The following PDIA6 variants were observed in gnomAD, a reference collection of about 807,000 sequenced individuals.
PDIA6 encodes the protein protein disulfide isomerase family A member 6.
A neutral mutation model predicts 58.4 loss-of-function variants in PDIA6; 29 were observed. The observed-to-expected ratio is 0.50, with a 90% CI of 0.37 to 0.68. The LOEUF (loss-of-function observed/expected upper bound fraction) is 0.68. PDIA6 is among the 30% of genes least tolerant of loss of function. The probability of loss-of-function intolerance (pLI) is 0.00; values close to 1 mark genes in which losing one functional copy is unlikely to be tolerated. For missense variants in PDIA6, 480 were observed against 551.0 expected (o/e 0.87, Z 1.29); for synonymous variants, 192 against 202.6 (o/e 0.95, Z 0.44).
At chr2:10,812,478 G>C (rs1667042842) in intron 1 of PDIA6, among the ~76,000 whole-genome samples, 200 bp downstream of exon 1, 1 of 151,450 alleles carries the variant, frequency 6.6e-6, no homozygotes, top group African/African-American at 2.4e-5. Flanking sequence ...CCCTCCCCAC[G>C]GGCGCCCGAG....
rs1667063065 is a variant in PDIA6 at position 10,812,747 on chromosome 2, T to C, written c.-51A>G. Reference sequence around the variant, plus strand: ...CCCACCGCCGCCGCCGCTTCAGCCCTGCAGCGTGCCGCACGCCGCGCCCCC... The same window carrying C: ...CCCACCGCCGCCGCCGCTTCAGCCCCGCAGCGTGCCGCACGCCGCGCCCCC... On this transcript the variant is annotated 5_prime_UTR_variant, in exon 1 of 13. Transcript: ENST00000272227. 2 of 1,432,372 alleles carry C rather than the reference T, an allele frequency of 1.4e-6. No homozygotes were observed. The highest frequency in any genetic ancestry group is 2.0e-4 in the Middle Eastern group (1 of 5,016). 88.7% of individuals were successfully genotyped at this position (1,432,372 alleles called of 1,614,324 possible). A position where few individuals can be genotyped will look rare whatever the true frequency, so the allele number is the denominator to read the frequency against.
chr2:10,833,693 G>A (rs1290081062), upstream of PDIA6, among the ~76,000 whole-genome samples: 2 of 152,202 alleles, frequency 1.3e-5, no homozygotes, highest in South Asian at 2.1e-4. Context: ...TGGAACTCCC[G>A]GAGGCAGGGC....
At chr2:10,819,084 G>A (rs890726565) in intron 2 of PDIA6, among the ~76,000 whole-genome samples, 2 of 152,010 alleles carry the variant, frequency 1.3e-5, no homozygotes, top group African/African-American at 2.4e-5. Flanking sequence ...TTAGCCTAAC[G>A]TCTTCAAGGT....
At position 10,793,186 on chromosome 2, in the gene PDIA6, T is replaced by C; in HGVS notation, c.363A>G (p.Glu121=). ...CACTCAGCGCAGCATCTACAATGGC[T>C]TCACCAGTTCTGCCACCTACAGGAG... ...PEDYQGGRTG[E]AIVDAALSAL... Residue 121 remains glutamate (E), a synonymous_variant, in exon 5 of 13, where the codon GAA becomes GAG. Coordinates refer to ENST00000272227, the MANE Select transcript of PDIA6 (RefSeq NM_005742.4). 1 of 1,613,526 alleles carries C rather than the reference T, an allele frequency of 6.2e-7. No individual in the cohort carries two copies. Among genetic ancestry groups the C allele is most frequent in the Non-Finnish European group, 8.5e-7 (1 of 1,179,708 alleles).
At chr2:10,787,941 C>G (rs1665851217) in intron 10 of PDIA6, among the ~76,000 whole-genome samples, 1 of 152,112 alleles carries the variant, frequency 6.6e-6, no homozygotes, top group East Asian at 1.9e-4. Flanking sequence ...TGGCGTGCGC[C>G]TGTAGTCCCA....
upstream of PDIA6, among the ~76,000 whole-genome samples, chr2:10,832,926 C>G (rs935924500): frequency 2.6e-5 from 4 of 151,184 alleles, no homozygotes; most frequent in Non-Finnish European, 5.9e-5. Flanking sequence ...CACCCCCCGC[C>G]CCCCCAGCCA....
intron 11 of PDIA6, 57 bp downstream of exon 11, chr2:10,787,224 C>CAAATA: frequency 6.6e-7 from 1 of 1,511,078 alleles, no homozygotes; most frequent in Non-Finnish European, 9.2e-7. Flanking sequence ...AAATATAAAC[C>CAAATA]TACAACAGAA....
intron 10 of PDIA6, among the ~76,000 whole-genome samples, chr2:10,788,004 T>C (rs1464319006): frequency 6.9e-6 from 1 of 144,148 alleles, no homozygotes; most frequent in African/African-American, 2.5e-5. Flanking sequence ...AGGCGGAGGT[T>C]GCAGTAAGCC....
intron 11 of PDIA6, among the ~76,000 whole-genome samples, chr2:10,785,520 C>T (rs894657628): frequency 6.6e-6 from 1 of 152,048 alleles, no homozygotes; most frequent in Admixed American, 6.5e-5. Flanking sequence ...GTTGGGAAAC[C>T]AGAGCCAGAA....
chr2:10,810,443 G>A (rs937114202), intron 1 of PDIA6: 3 of 1,372,952 alleles, frequency 2.2e-6, no homozygotes, highest in Admixed American at 3.2e-5. Context: ...GAACAGACCA[G>A]GGTTTTTCAC....
chr2:10,821,424 A>T (rs935615745), intron 1 of PDIA6: 4 of 152,806 alleles, frequency 2.6e-5, no homozygotes, highest in African/African-American at 9.7e-5. Flanking sequence ...GAGGGGTCAG[A>T]GGAGAGCAGT....
chr2:10,803,909 G>GTGTTTTTTTTTT lies in PDIA6; in HGVS notation c.20-1281_20-1270dup, dbSNP rs1489559342. On this transcript the variant is annotated intron_variant, in intron 1 of 12. Coordinates refer to ENST00000272227, the MANE Select transcript of PDIA6 (RefSeq NM_005742.4). ...TGTGCGTGTTTGTGTCCTAGTTTTT[G>GTGTTTTTTTTTT]TGTTTTTTTTTTTTTTTGAGACAGA... Among the ~76,000 whole-genome samples, 21 of 80,256 alleles carry GTGTTTTTTTTTT rather than the reference G, an allele frequency of 2.6e-4. 1 individual carries two copies. Among genetic ancestry groups the GTGTTTTTTTTTT allele is most frequent in the Admixed American group, 1.1e-3 (8 of 7,110 alleles). 52.7% of individuals were successfully genotyped at this position (80,256 alleles called of 152,430 possible).
Position 10,789,105 on chromosome 2 carries a change from C to G in PDIA6, c.841-124G>C, listed in dbSNP as rs1393717719. ...AAAACATTTCTCCCACGACTACTTC[C>G]TCGTATGGAAACACCTGGAGGCATG... On this transcript the variant is annotated intron_variant, in intron 8 of 12. Coordinates refer to ENST00000272227, the MANE Select transcript of PDIA6 (RefSeq NM_005742.4). 7 of 714,652 alleles carry G rather than the reference C, an allele frequency of 9.8e-6. No homozygotes were observed. In the East Asian group the frequency reaches 1.9e-4, roughly 19 times the overall value. The allele number at this position is 714,652 out of a possible 1,614,324, so 44.3% of individuals were successfully genotyped here.
chr2:10,811,240 C>T (rs1340229038), intron 1 of PDIA6, among the ~76,000 whole-genome samples: 27 of 152,178 alleles, frequency 1.8e-4, no homozygotes. Context: ...CTCTTTAAAA[C>T]ATGTACTAGC....
chr2:10,811,254 G>C (rs889057638), intron 1 of PDIA6, among the ~76,000 whole-genome samples: 1 of 152,178 alleles, frequency 6.6e-6, no homozygotes, highest in Non-Finnish European at 1.5e-5. Flanking sequence ...TACTAGCTGG[G>C]CCAGGTGACT....
intron 1 of PDIA6, among the ~76,000 whole-genome samples, chr2:10,812,239 G>A (rs1572691551): frequency 6.6e-6 from 1 of 152,042 alleles, no homozygotes; most frequent in African/African-American, 2.4e-5. Context: ...AGTAGGAGCT[G>A]CATAAAGCAG....
At chr2:10,824,737 T>C (rs1667501584) in intron 1 of PDIA6, among the ~76,000 whole-genome samples, 1 of 152,250 alleles carries the variant, frequency 6.6e-6, no homozygotes, top group Non-Finnish European at 1.5e-5. Flanking sequence ...ACCTGATCAG[T>C]GTCTGAAGAC....
chr2:10,822,869 C>T (rs567437150), intron 1 of PDIA6, among the ~76,000 whole-genome samples: 12 of 152,304 alleles, frequency 7.9e-5, no homozygotes, highest in African/African-American at 2.4e-4. Flanking sequence ...AAGCTGTGAG[C>T]GCAGCTTCCT....
At chr2:10,807,472 G>C (rs779322719) in intron 1 of PDIA6, among the ~76,000 whole-genome samples, 6 of 152,130 alleles carry the variant, frequency 3.9e-5, no homozygotes, top group Non-Finnish European at 8.8e-5. Context: ...TTACAGGTAT[G>C]AGTGACCACG....
Sources: gnomAD v4.1 joint callset for allele counts (sites outside exome capture counted in the v4.1 genomes callset) on GRCh38, gnomAD v4.1.1 for gene constraint, MANE v1.5 for transcripts, NCBI Gene and HGNC (gene_info 2026-07-23, HGNC 2026-07-21) for gene names.